The following CRPPA variants were observed in gnomAD, a reference collection of about 807,000 sequenced individuals.
CRPPA encodes the protein CDP-L-ribitol pyrophosphorylase A.
In CRPPA, 43 loss-of-function variants were observed where a neutral mutation model predicts 52.0. The ratio of observed to expected loss-of-function variants is 0.83; its 90% CI spans 0.65 to 1.07. The LOEUF (loss-of-function observed/expected upper bound fraction) is 1.07, where lower values mean the gene tolerates loss of function less well. Among genes scored for constraint, CRPPA ranks in the 50% least tolerant of loss-of-function variants. CRPPA has a pLI of 0.00. For missense variants in CRPPA, 629 were observed against 551.7 expected, an observed-to-expected ratio of 1.14 and a Z score of -1.40; for synonymous variants, 250 against 203.5, an observed-to-expected ratio of 1.23 and a Z score of -1.94.
chr7:16,230,715 G>T (rs562399005), intron 8 of CRPPA, among the ~76,000 whole-genome samples: 1 of 151,974 alleles, frequency 6.6e-6, no homozygotes, highest in Non-Finnish European at 1.5e-5. Flanking sequence ...TGATGCTTTT[G>T]GTCATTTGTC....
At chr7:16,286,488 TC>T (rs1784451934) in intron 5 of CRPPA, among the ~76,000 whole-genome samples, 2 of 152,072 alleles carry the variant, frequency 1.3e-5, no homozygotes, top group African/African-American at 4.8e-5. Context: ...AACTAATAAT[TC>T]CCAGGTTCTC....
At chr7:16,182,977 T>A (rs1781441292) in intron 9 of CRPPA, among the ~76,000 whole-genome samples, 1 of 152,118 alleles carries the variant, frequency 6.6e-6, no homozygotes, top group African/African-American at 2.4e-5. Flanking sequence ...AAATACTAAA[T>A]CACAAGGGCT....
intron 9 of CRPPA, among the ~76,000 whole-genome samples, chr7:16,099,015 T>C (rs1781986249): frequency 1.3e-5 from 2 of 152,206 alleles, no homozygotes; most frequent in South Asian, 4.1e-4. Flanking sequence ...TTAGTCTTTT[T>C]TATTTTCTGT....
At chr7:16,359,527 T>C (rs1786388540) in intron 3 of CRPPA, among the ~76,000 whole-genome samples, 1 of 152,204 alleles carries the variant, frequency 6.6e-6, no homozygotes, top group African/African-American at 2.4e-5. Flanking sequence ...TCCATCTGTG[T>C]CACTTCTCAA....
At chr7:16,254,501 T>C (rs1673521526) in intron 8 of CRPPA, among the ~76,000 whole-genome samples, 1 of 151,678 alleles carries the variant, frequency 6.6e-6, no homozygotes, top group Non-Finnish European at 1.5e-5. Flanking sequence ...GAAAACCAAA[T>C]ACTGCATGTT....
chr7:16,338,362 A>T (rs1424067509), intron 3 of CRPPA, among the ~76,000 whole-genome samples: 3 of 152,226 alleles, frequency 2.0e-5, no homozygotes, highest in African/African-American at 7.2e-5. Flanking sequence ...TCAATGGTTT[A>T]GGTATGTAGG....
In CRPPA at chr7:16,152,388, T is replaced by C. The variant is rs567999844; in HGVS notation, c.1252-60589A>G. On this transcript the variant is annotated intron_variant, in intron 9 of 9. Coordinates refer to ENST00000407010, the MANE Select transcript of CRPPA (RefSeq NM_001101426.4). ...AAAAACAGTAATTTTCCATTTGAAC[T>C]ATAACACACTCAAGAAAACGGTAAC... Among the ~76,000 whole-genome samples the C allele has an allele frequency of 3.3e-5, 5 of 152,108 alleles. No individual in the cohort carries two copies. The South Asian group carries it at 1.0e-3, about 31-fold the overall frequency.
intron 5 of CRPPA, among the ~76,000 whole-genome samples, chr7:16,288,701 G>T (rs1019612651): frequency 2.0e-5 from 3 of 151,680 alleles, no homozygotes; most frequent in Non-Finnish European, 4.4e-5. Flanking sequence ...ACAAAAATTA[G>T]CCAGGCATGG....
At chr7:16,203,580 C>A (rs7801833) in intron 9 of CRPPA, among the ~76,000 whole-genome samples, 1 of 151,998 alleles carries the variant, frequency 6.6e-6, no homozygotes, top group East Asian at 1.9e-4. Context: ...GAAAACCTCC[C>A]GAGAATAAAG....
chr7:16,200,815 G>A (rs918814881), intron 9 of CRPPA, among the ~76,000 whole-genome samples: 5 of 152,062 alleles, frequency 3.3e-5, no homozygotes, highest in Non-Finnish European at 7.4e-5. Flanking sequence ...ATTTTCACAC[G>A]GTAATGTGGT....
At chr7:16,313,069 G>T (rs1292466601) in intron 3 of CRPPA, among the ~76,000 whole-genome samples, 1 of 151,828 alleles carries the variant, frequency 6.6e-6, no homozygotes, top group African/African-American at 2.4e-5. Context: ...TTGAATTAGG[G>T]TAATTCTAGC....
At chr7:16,193,076 T>C (rs544807756) in intron 9 of CRPPA, among the ~76,000 whole-genome samples, 3 of 152,270 alleles carry the variant, frequency 2.0e-5, no homozygotes, top group African/African-American at 7.2e-5. Flanking sequence ...CTTGTCATTT[T>C]CAAAAATAAA....
intron 1 of CRPPA, among the ~76,000 whole-genome samples, chr7:16,415,306 T>C (rs993242964): frequency 1.3e-4 from 20 of 152,332 alleles, no homozygotes; most frequent in Admixed American, 1.2e-3. Context: ...CTTTAATATA[T>C]GGCATGTCTG....
At chr7:16,111,578 G>C (rs1431645305) in intron 9 of CRPPA, among the ~76,000 whole-genome samples, 1 of 152,160 alleles carries the variant, frequency 6.6e-6, no homozygotes, top group Non-Finnish European at 1.5e-5. Flanking sequence ...ATACAGAACA[G>C]AATACTATCA....
Position 16,389,928 on chromosome 7 carries a change from AATATATAT to A in CRPPA, c.535-13695_535-13688del, listed in dbSNP as rs1202579530. On this transcript the variant is annotated intron_variant, in intron 2 of 9. Coordinates refer to ENST00000407010, the MANE Select transcript of CRPPA (RefSeq NM_001101426.4). ...GCCTAGTATACAAAAAAAAAAAAAA[AATATATAT>A]ATATATATATATATATATATATCAG... Among the ~76,000 whole-genome samples, 29 of 29,760 alleles carry A rather than the reference AATATATAT, an allele frequency of 9.7e-4. 1 individual carries two copies. The highest frequency in any genetic ancestry group is 3.8e-3 in the African/African-American group (22 of 5,786). The allele number at this position is 29,760 out of a possible 152,430, so 19.5% of individuals were successfully genotyped here. A position where few individuals can be genotyped will look rare whatever the true frequency, so the allele number is the denominator to read the frequency against.
rs909416905 is a variant in CRPPA, at chr7:16,296,905, G to A, written c.835+4516C>T. On this transcript the variant is annotated intron_variant, in intron 5 of 9. Transcript: ENST00000407010. ...AAAACACTGGGAGAGAAAATTTTCT[G>A]TCTTACTTATAGGATTATTCTTCAT... is the stretch of plus-strand genomic sequence containing the variant. 2.6e-5 allele frequency among the ~76,000 whole-genome samples: 4 copies of A among 152,166 alleles called. No individual in the cohort carries two copies. The East Asian group carries it at 7.7e-4, about 29-fold the overall frequency.
intron 6 of CRPPA, among the ~76,000 whole-genome samples, chr7:16,275,193 C>G (rs975867631): frequency 2.6e-5 from 4 of 152,230 alleles, no homozygotes; most frequent in Admixed American, 6.5e-5. Flanking sequence ...ACAACAAAAT[C>G]ATCATCAGAT....
At chr7:16,121,806 A>T (rs1782485704) in intron 9 of CRPPA, among the ~76,000 whole-genome samples, 1 of 152,112 alleles carries the variant, frequency 6.6e-6, no homozygotes, top group Non-Finnish European at 1.5e-5. Flanking sequence ...AAGCAAAGGC[A>T]AAAATAAAAA....
Position 16,326,840 on chromosome 7 carries a change from A to G in CRPPA, c.685-18213T>C, listed in dbSNP as rs188238654. 1.8e-4 allele frequency among the ~76,000 whole-genome samples: 28 copies of G among 152,246 alleles called. No individual in the cohort carries two copies. In the East Asian group the frequency reaches 1.9e-3, roughly 11 times the overall value. ...GGTACAACAAACTTCCTTCCCTGATATAATTCCAAATTGGACCAATTTGGG... is the reference window on the plus strand; with the variant it reads ...GGTACAACAAACTTCCTTCCCTGATGTAATTCCAAATTGGACCAATTTGGG... On this transcript the variant is annotated intron_variant, in intron 3 of 9. Coordinates refer to ENST00000407010, the MANE Select transcript of CRPPA (RefSeq NM_001101426.4).
Sources: gnomAD v4.1 joint callset for allele counts (sites outside exome capture counted in the v4.1 genomes callset) on GRCh38, gnomAD v4.1.1 for gene constraint, MANE v1.5 for transcripts, NCBI Gene and HGNC (gene_info 2026-07-23, HGNC 2026-07-21) for gene names.